Variants in SEPTIN5 observed in about 807,000 individuals in gnomAD.
The protein encoded by SEPTIN5 is septin 5, also known as septin-5.
SEPTIN5 carries 16 observed loss-of-function variants against 51.2 expected under a neutral mutation model. The observed-to-expected ratio is 0.31, with a 90% CI of 0.21 to 0.47. The LOEUF (loss-of-function observed/expected upper bound fraction) is 0.47, where lower values mean the gene tolerates loss of function less well. Ranked by LOEUF, SEPTIN5 falls within the 20% of genes least tolerant of loss-of-function variation. The pLI, the probability that SEPTIN5 is intolerant of heterozygous loss-of-function variation, is 0.99. For synonymous variants in SEPTIN5, 208 were observed against 191.2 expected, an observed-to-expected ratio of 1.09 and a Z score of -0.72; for missense variants, 376 against 500.3, an observed-to-expected ratio of 0.75 and a Z score of 2.37.
rs774531610 is a variant in SEPTIN5, at chr22:19,721,625, C to T, written c.718-15C>T. 4 of 1,612,352 alleles carry T rather than the reference C, an allele frequency of 2.5e-6. No homozygotes were observed. Among genetic ancestry groups the T allele is most frequent in the Non-Finnish European group, 3.4e-6 (4 of 1,179,672 alleles). The stretch of plus-strand genomic sequence containing the variant: ...ACGCTCACCGGGTGTGAGCCTTTCT[C>T]CCTCCTTCCCCCAGGAGAGCGCGCC... On this transcript the variant is annotated splice_polypyrimidine_tract_variant and intron_variant, in intron 8 of 11. Coordinates refer to ENST00000455784, the MANE Select transcript of SEPTIN5 (RefSeq NM_002688.6).
chr22:19,722,008 T>A, intron 10 of SEPTIN5, 51 bp downstream of exon 10: 1 of 1,570,124 alleles, frequency 6.4e-7, no homozygotes. Context: ...CCCGCCCACG[T>A]CTCCATAACT....
At position 19,722,980 on chromosome 22, in the gene SEPTIN5, T is replaced by G; in HGVS notation, c.*496T>G. 1 of 443,824 alleles carries G rather than the reference T, an allele frequency of 2.3e-6. No individual in the cohort carries two copies. The highest frequency in any genetic ancestry group is 2.0e-5 in the African/African-American group (1 of 50,854). 27.5% of individuals were successfully genotyped at this position (443,824 alleles called of 1,614,324 possible). A position where few individuals can be genotyped will look rare whatever the true frequency, so the allele number is the denominator to read the frequency against. On this transcript the variant is annotated 3_prime_UTR_variant, in exon 12 of 12. Coordinates refer to ENST00000455784, the MANE Select transcript of SEPTIN5 (RefSeq NM_002688.6). ...ATCCCCAGACGCCTAGCGGGCAGGGTTGGGCTGAATCAAATGGGAGCCCTC... is the reference window on the plus strand; with the variant it reads ...ATCCCCAGACGCCTAGCGGGCAGGGGTGGGCTGAATCAAATGGGAGCCCTC...
In SEPTIN5 at chr22:19,723,129, C is replaced by CT. The variant is rs1936084900; in HGVS notation, c.*646dup. 1.8e-6 allele frequency: 1 copy of CT among 551,238 alleles called. No individual in the cohort carries two copies. The highest frequency in any genetic ancestry group is 2.2e-5 in the Admixed American group (1 of 45,492). 34.1% of individuals were successfully genotyped at this position (551,238 alleles called of 1,614,324 possible). A position where few individuals can be genotyped will look rare whatever the true frequency, so the allele number is the denominator to read the frequency against. On this transcript the variant is annotated 3_prime_UTR_variant, in exon 12 of 12. Transcript: ENST00000455784. ...GGCGGTGAGCCACCTCCTGGCAACT[C>CT]TCGGTGCCGTCCCCTGCCCTCGCTC...
At chr22:19,719,996 G>A (rs1015706542) in intron 4 of SEPTIN5, 104 bp downstream of exon 4, 12 of 1,599,684 alleles carry the variant, frequency 7.5e-6, no homozygotes, top group East Asian at 4.5e-5. Flanking sequence ...CTGTTCTCGC[G>A]GTGTGGGTCC....
intron 6 of SEPTIN5, 42 bp from the exon 7 acceptor site, chr22:19,720,507 C>A (rs946946723): frequency 6.2e-7 from 1 of 1,613,406 alleles, no homozygotes; most frequent in Non-Finnish European, 8.5e-7. Flanking sequence ...ACAATATGGC[C>A]CCCTGGCTGT....
intron 2 of SEPTIN5, chr22:19,717,821 TAC>T (rs939763764): frequency 1.1e-4 from 23 of 201,768 alleles, no homozygotes; most frequent in South Asian, 2.7e-4. Context: ...TGCACACACG[TAC>T]ACACACACGC....
At chr22:19,721,980 A>G (rs1288092765) in intron 10 of SEPTIN5, 23 bp downstream of exon 10, 1 of 1,592,912 alleles carries the variant, frequency 6.3e-7, no homozygotes, top group Admixed American at 1.7e-5. Flanking sequence ...GCCGCGAGCC[A>G]GACCTCGCCC....
intron 3 of SEPTIN5, 27 bp downstream of exon 3, chr22:19,719,725 G>A: frequency 6.2e-7 from 1 of 1,611,640 alleles, no homozygotes; most frequent in Non-Finnish European, 8.5e-7. Flanking sequence ...CCTCGGGGGA[G>A]TGGCTGGGGT....
intron 2 of SEPTIN5, among the ~76,000 whole-genome samples, chr22:19,716,668 T>C (rs1260053937): frequency 6.6e-6 from 1 of 152,068 alleles, no homozygotes; most frequent in Non-Finnish European, 1.5e-5. Context: ...GGCAGGTGGG[T>C]TGAACGCTGA....
intron 2 of SEPTIN5, among the ~76,000 whole-genome samples, chr22:19,715,585 C>T (rs1396069976): frequency 6.6e-6 from 1 of 152,220 alleles, no homozygotes; most frequent in Non-Finnish European, 1.5e-5. Context: ...TGAGCTCAGC[C>T]ATCTTTGGAG....
chr22:19,714,827 C>G lies in SEPTIN5; in HGVS notation c.54+36C>G, dbSNP rs753703067. 4.7e-5 allele frequency: 74 copies of G among 1,591,006 alleles called. No homozygotes were observed. Among genetic ancestry groups the G allele is most frequent in the South Asian group, 1.2e-4 (11 of 89,638 alleles). On this transcript the variant is annotated intron_variant, in intron 2 of 11. Coordinates refer to ENST00000455784, the MANE Select transcript of SEPTIN5 (RefSeq NM_002688.6). The surrounding 1 kb of genome is among the most constrained non-coding windows in gnomAD (Gnocchi z 5.2). ...AGCGCCGCTCCCCCGCCGGGAGACC[C>G]GGCCGGCTGTCACCCATTGTGACAC...
rs760623286 is a variant in SEPTIN5, at chr22:19,722,264, G to C, written c.978G>C (p.Glu326Asp). 5 of 1,610,262 alleles carry C rather than the reference G, an allele frequency of 3.1e-6. No individual in the cohort carries two copies. The highest frequency in any genetic ancestry group is 1.3e-5 in the African/African-American group (1 of 74,836). The change falls in exon 11 of 12, where the codon GAG (glutamate) becomes GAC (aspartate). Residue 326 changes from glutamate to aspartate, a missense_variant. Physicochemically the swap from Glu to Asp is conservative, Grantham distance 45 (BLOSUM62 2). Coordinates refer to ENST00000455784, the MANE Select transcript of SEPTIN5 (RefSeq NM_002688.6). The stretch of plus-strand genomic sequence containing the variant: ...AACTGACCCAGGACAGCCGCATGGA[G>C]AGCCCCATCCCGATCCTGCCGCTGC... ...TSKLTQDSRM[E>D]SPIPILPLPT...
Position 19,719,855 on chromosome 22 carries a change from A to C in SEPTIN5, c.201A>C (p.Thr67=), listed in dbSNP as rs1935990227. The C allele has an allele frequency of 6.2e-7, 1 of 1,612,986 alleles. No individual in the cohort carries two copies. The highest frequency in any genetic ancestry group is 8.5e-7 in the Non-Finnish European group (1 of 1,179,946). Reference sequence around the variant, plus strand: ...CACTGGTCCACAGCCTCTTCCTGACAGACTTGTACAAGGACCGGAAGCTGC... The same window carrying C: ...CACTGGTCCACAGCCTCTTCCTGACCGACTTGTACAAGGACCGGAAGCTGC... ...KSTLVHSLFL[T]DLYKDRKLLS... Residue 67 remains threonine, a synonymous_variant, in exon 4 of 12, where the codon ACA becomes ACC. Transcript: ENST00000455784.
Position 19,722,350 on chromosome 22 carries a change from CGGCGGGGGCGGCGGA to C in SEPTIN5, c.1053+18_1053+32del, listed in dbSNP as rs1568998795. On this transcript the variant is annotated intron_variant, in intron 11 of 11. Transcript: ENST00000455784. ...ATGAAGGATGAGGAAGTATGTGGGG[CGGCGGGGGCGGCGGA>C]GGCGGGCGTCAGGGATGCTCCTCCG... 1.2e-5 allele frequency: 19 copies of C among 1,601,834 alleles called. No homozygotes were observed. Among genetic ancestry groups the C allele is most frequent in the Non-Finnish European group, 1.6e-5 (19 of 1,174,322 alleles).
chr22:19,716,638 T>C (rs1319264110), intron 2 of SEPTIN5, among the ~76,000 whole-genome samples: 1 of 152,176 alleles, frequency 6.6e-6, no homozygotes, highest in Non-Finnish European at 1.5e-5. Flanking sequence ...AGGCCCTGAC[T>C]GGGCCCCAGT....
At position 19,722,961 on chromosome 22, in the gene SEPTIN5, A is replaced by G; in HGVS notation, c.*477A>G. Reference sequence around the variant, plus strand: ...GCGGGCCGAGTCTTCCCTTATCCCCAGACGCCTAGCGGGCAGGGTTGGGCT... The same window carrying G: ...GCGGGCCGAGTCTTCCCTTATCCCCGGACGCCTAGCGGGCAGGGTTGGGCT... On this transcript the variant is annotated 3_prime_UTR_variant, in exon 12 of 12. Transcript: ENST00000455784. The G allele has an allele frequency of 2.3e-6, 1 of 440,864 alleles. No individual in the cohort carries two copies. Among genetic ancestry groups the G allele is most frequent in the Non-Finnish European group, 4.3e-6 (1 of 233,176 alleles). 27.3% of individuals were successfully genotyped at this position (440,864 alleles called of 1,614,324 possible). A position where few individuals can be genotyped will look rare whatever the true frequency, so the allele number is the denominator to read the frequency against.
At chr22:19,719,736 C>A in intron 3 of SEPTIN5, 38 bp downstream of exon 3, 1 of 1,610,186 alleles carries the variant, frequency 6.2e-7, no homozygotes, top group South Asian at 1.1e-5. Context: ...TGGCTGGGGT[C>A]ACTGGCCAGC....
At chr22:19,715,583 G>A (rs1935901357) in intron 2 of SEPTIN5, among the ~76,000 whole-genome samples, 1 of 152,216 alleles carries the variant, frequency 6.6e-6, no homozygotes, top group African/African-American at 2.4e-5. Flanking sequence ...CTTGAGCTCA[G>A]CCATCTTTGG....
rs375095882 is a variant in SEPTIN5 at position 19,717,181 on chromosome 22, G to C, written c.54+2390G>C. 1,922 of 387,018 alleles carry C rather than the reference G, an allele frequency of 5.0e-3. 18 individuals carry two copies. Among genetic ancestry groups the C allele is most frequent in the South Asian group, 0.021 (1,122 of 54,032 alleles). The allele number at this position is 387,018 out of a possible 1,614,324, so 24.0% of individuals were successfully genotyped here. A position where few individuals can be genotyped will look rare whatever the true frequency, so the allele number is the denominator to read the frequency against. On this transcript the variant is annotated intron_variant, in intron 2 of 11. Coordinates refer to ENST00000455784, the MANE Select transcript of SEPTIN5 (RefSeq NM_002688.6). ...GAGAGCCTAAGGGAGGGCTGGTGGCGGGTGGGGTGGGGTGGGGTTGGGGCC... is the reference window on the plus strand; with the variant it reads ...GAGAGCCTAAGGGAGGGCTGGTGGCCGGTGGGGTGGGGTGGGGTTGGGGCC...
Sources: gnomAD v4.1 joint callset for allele counts (sites outside exome capture counted in the v4.1 genomes callset) on GRCh38, gnomAD v4.1.1 for gene constraint, Gnocchi (gnomAD v3.1) non-coding constraint, MANE v1.5 for transcripts, NCBI Gene and HGNC (gene_info 2026-07-23, HGNC 2026-07-21) for gene names.